Variants in ESRRG observed in about 807,000 individuals in gnomAD.
ESRRG encodes the protein estrogen related receptor gamma.
Under a neutral mutation model 44.0 loss-of-function variants are expected in ESRRG, and 13 were observed. That is an observed-to-expected ratio of 0.30 (90% confidence interval 0.19 to 0.47). The LOEUF is 0.47. ESRRG is among the 20% of genes least tolerant of loss of function. The pLI is 1.00. For synonymous variants in ESRRG, 215 were observed against 214.6 expected, an observed-to-expected ratio of 1.00 and a Z score of -0.02; for missense variants, 395 against 580.6, an observed-to-expected ratio of 0.68 and a Z score of 3.29.
intron 2 of ESRRG, among the ~76,000 whole-genome samples, chr1:216,652,652 T>G (rs1040481048): frequency 6.6e-6 from 1 of 152,122 alleles, no homozygotes; most frequent in African/African-American, 2.4e-5. Context: ...ATCACCTTCC[T>G]TGGAGATATT....
At chr1:217,084,130 GATT>G (rs2091933922) in intron 1 of ESRRG, among the ~76,000 whole-genome samples, 1 of 106,066 alleles carries the variant, frequency 9.4e-6, no homozygotes, top group South Asian at 3.5e-4. Flanking sequence ...TGGAAGAATG[GATT>G]AAAAAAAAAA....
chr1:216,758,125 G>A (rs550142050), intron 2 of ESRRG, among the ~76,000 whole-genome samples: 112 of 152,066 alleles, frequency 7.4e-4, no homozygotes, highest in Non-Finnish European at 1.3e-3. Context: ...TCCTCCTCCC[G>A]TGATCTAAAT....
chr1:217,017,479 A>G (rs1054295498), intron 1 of ESRRG, among the ~76,000 whole-genome samples: 6 of 46,692 alleles, frequency 1.3e-4, no homozygotes, highest in Non-Finnish European at 2.5e-4. Flanking sequence ...TACATAACTC[A>G]AAAAAAAAAA....
chr1:216,527,172 G>T (rs895573518), intron 5 of ESRRG, among the ~76,000 whole-genome samples: 1 of 152,144 alleles, frequency 6.6e-6, no homozygotes, highest in African/African-American at 2.4e-5. Flanking sequence ...ATGGATCCAA[G>T]TACATGTCTA....
chr1:216,532,758 G>A (rs1020163283), intron 5 of ESRRG, among the ~76,000 whole-genome samples: 15 of 152,140 alleles, frequency 9.9e-5, no homozygotes, highest in Admixed American at 3.9e-4. Flanking sequence ...TTATTGGGGA[G>A]GCCCAAGGGA....
At chr1:216,689,984 G>A (rs2078763918) in intron 1 of ESRRG, among the ~76,000 whole-genome samples, 1 of 152,026 alleles carries the variant, frequency 6.6e-6, no homozygotes, top group East Asian at 1.9e-4. Context: ...TGCTGAGGAA[G>A]ATGTGCAGCA....
chr1:217,110,307 A>G (rs936304399), intron 1 of ESRRG, among the ~76,000 whole-genome samples: 7 of 152,172 alleles, frequency 4.6e-5, no homozygotes, highest in African/African-American at 1.7e-4. Context: ...AATCACCTAA[A>G]GTTGCTTTTT....
chr1:216,672,640 G>A (rs1416342138), intron 2 of ESRRG, among the ~76,000 whole-genome samples: 3 of 152,152 alleles, frequency 2.0e-5, no homozygotes, highest in Non-Finnish European at 4.4e-5. Context: ...GGCTGAGGCA[G>A]GAGGATCATT....
chr1:216,589,062 T>C (rs766621595), intron 3 of ESRRG, among the ~76,000 whole-genome samples: 2 of 152,150 alleles, frequency 1.3e-5, no homozygotes, highest in African/African-American at 4.8e-5. Flanking sequence ...AACTGGAAGA[T>C]GGAATCAGTT....
At chr1:216,577,985 G>T (rs1400529735) in intron 3 of ESRRG, among the ~76,000 whole-genome samples, 1 of 152,040 alleles carries the variant, frequency 6.6e-6, no homozygotes, top group Non-Finnish European at 1.5e-5. Flanking sequence ...TGTATTACCA[G>T]ACTGGAGCAG....
chr1:216,631,261 C>A (rs937469708), intron 3 of ESRRG, among the ~76,000 whole-genome samples: 2 of 152,186 alleles, frequency 1.3e-5, no homozygotes, highest in Non-Finnish European at 2.9e-5. Context: ...TTGCTACGTT[C>A]AAACTGTGTA....
At chr1:216,909,446 A>G (rs987596867) in intron 2 of ESRRG, among the ~76,000 whole-genome samples, 7 of 152,208 alleles carry the variant, frequency 4.6e-5, no homozygotes, top group African/African-American at 2.4e-5. Context: ...CATAAGGTAC[A>G]CTAAACACTC....
chr1:216,993,188 G>A (rs1447348155), intron 1 of ESRRG, among the ~76,000 whole-genome samples: 2 of 152,182 alleles, frequency 1.3e-5, no homozygotes, highest in African/African-American at 4.8e-5. Context: ...ACTCTGCAAA[G>A]TAGTATATTT....
At chr1:217,013,839 T>C (rs2078974432) in intron 1 of ESRRG, among the ~76,000 whole-genome samples, 1 of 146,284 alleles carries the variant, frequency 6.8e-6, no homozygotes, top group Non-Finnish European at 1.5e-5. Context: ...CTCCTACCAT[T>C]AAAATGAGGG....
intron 2 of ESRRG, among the ~76,000 whole-genome samples, chr1:216,671,684 G>A (rs149810310): frequency 2.0e-3 from 311 of 152,220 alleles, no homozygotes; most frequent in African/African-American, 7.1e-3. Flanking sequence ...ATCCAAAACC[G>A]ATGCTATAAT....
chr1:216,885,069 C>A (rs2096496236), intron 2 of ESRRG, among the ~76,000 whole-genome samples: 1 of 152,010 alleles, frequency 6.6e-6, no homozygotes, highest in African/African-American at 2.4e-5. Context: ...ACCACATAGT[C>A]CAACTATTCC....
At chr1:216,900,018 C>T (rs949190816) in intron 2 of ESRRG, among the ~76,000 whole-genome samples, 2 of 152,176 alleles carry the variant, frequency 1.3e-5, no homozygotes, top group Non-Finnish European at 2.9e-5. Flanking sequence ...CAGGTGTTTT[C>T]CTTCATCCCT....
chr1:216,553,108 AT>A lies in ESRRG; in HGVS notation c.862+11110del, dbSNP rs34643914. 3.1e-3 allele frequency among the ~76,000 whole-genome samples: 448 copies of A among 146,850 alleles called. 2 individuals carry two copies. Among genetic ancestry groups the A allele is most frequent in the African/African-American group, 8.7e-3 (348 of 39,938 alleles). On this transcript the variant is annotated intron_variant, in intron 5 of 6. Coordinates refer to ENST00000408911, the MANE Select transcript of ESRRG (RefSeq NM_001438.4). ...CACAAGAATAAGAGCAGCTTGACTT[AT>A]TTTTTTTTTTTCCTAAAATGCTGAC...
intron 2 of ESRRG, among the ~76,000 whole-genome samples, chr1:216,915,172 T>G (rs1240199463): frequency 6.6e-6 from 1 of 152,108 alleles, no homozygotes; most frequent in African/African-American, 2.4e-5. Context: ...CCTCATGAAT[T>G]GCAGCACACA....
Sources: allele counts gnomAD v4.1 joint callset (sites outside exome capture counted in the v4.1 genomes callset), GRCh38; gene constraint gnomAD v4.1.1; transcripts MANE v1.5; gene names NCBI Gene and HGNC (gene_info 2026-07-23, HGNC 2026-07-21).